The following N4BP2L1 variants were observed in gnomAD, a reference collection of about 807,000 sequenced individuals.
N4BP2L1 encodes NEDD4 binding protein 2 like 1.
N4BP2L1 carries 12 observed loss-of-function variants against 21.2 expected under a neutral mutation model. That is an observed-to-expected ratio of 0.57 (90% CI 0.36 to 0.92). The LOEUF is 0.92. Ranked by LOEUF, N4BP2L1 falls within the 40% of genes least tolerant of loss-of-function variation. The probability of loss-of-function intolerance (pLI) is 0.01; values close to 1 mark genes in which losing one functional copy is unlikely to be tolerated. For missense variants in N4BP2L1, 259 were observed against 310.6 expected (o/e 0.83, Z 1.25); for synonymous variants, 104 against 112.8 (o/e 0.92, Z 0.49).
chr13:32,412,679 G>A (rs542145221), intron 1 of N4BP2L1, among the ~76,000 whole-genome samples: 135 of 150,676 alleles, frequency 9.0e-4, no homozygotes, highest in Admixed American at 2.0e-3. Context: ...CATACATCGC[G>A]ATACTTTATT....
chr13:32,414,001 C>T (rs554475860), intron 1 of N4BP2L1, among the ~76,000 whole-genome samples: 2 of 151,570 alleles, frequency 1.3e-5, no homozygotes, highest in African/African-American at 4.8e-5. Flanking sequence ...CCTGCCTCAG[C>T]CTCCTGAGTA....
chr13:32,401,384 T>G lies in N4BP2L1; in HGVS notation c.*1558A>C, dbSNP rs1378369530. On this transcript the variant is annotated 3_prime_UTR_variant, in exon 5 of 5. Coordinates refer to ENST00000380130, the MANE Select transcript of N4BP2L1 (RefSeq NM_052818.3). ...TAGCAAAGCTGATAACACCTTAGAT[T>G]CATTGGGATTTACTATTGTCAGCCA... is the stretch of plus-strand genomic sequence containing the variant. The G allele has an allele frequency of 1.2e-4, 19 of 152,160 alleles. No individual in the cohort carries two copies. The highest frequency in any genetic ancestry group is 1.2e-3 in the Admixed American group (19 of 15,290). The allele number at this position is 152,160 out of a possible 1,614,324, so 9.4% of individuals were successfully genotyped here.
chr13:32,422,221 C>T (rs2074521366), intron 1 of N4BP2L1, among the ~76,000 whole-genome samples: 1 of 152,000 alleles, frequency 6.6e-6, no homozygotes, highest in Admixed American at 6.6e-5. Flanking sequence ...CTTACCCTGA[C>T]AATTGAAATC....
At chr13:32,405,174 G>C (rs1483345047) in intron 3 of N4BP2L1, among the ~76,000 whole-genome samples, 1 of 152,104 alleles carries the variant, frequency 6.6e-6, no homozygotes, top group Non-Finnish European at 1.5e-5. Flanking sequence ...CGAATTAATA[G>C]CTGAGGATGG....
chr13:32,416,356 G>A (rs1593280272), intron 1 of N4BP2L1: 1 of 152,200 alleles, frequency 6.6e-6, no homozygotes, highest in East Asian at 1.9e-4. Context: ...TAAAACCTAG[G>A]CTTCTGGCCC....
intron 3 of N4BP2L1, among the ~76,000 whole-genome samples, chr13:32,405,737 T>C (rs558654055): frequency 6.6e-6 from 1 of 152,082 alleles, no homozygotes; most frequent in South Asian, 2.1e-4. Flanking sequence ...TGAAGATCAT[T>C]AGAGAAAAGC....
intron 1 of N4BP2L1, among the ~76,000 whole-genome samples, chr13:32,409,132 G>A (rs1354839673): frequency 6.6e-6 from 1 of 152,206 alleles, no homozygotes; most frequent in Non-Finnish European, 1.5e-5. Context: ...ACATCGGAGC[G>A]CGCATGTCAA....
At chr13:32,419,229 C>T (rs1398597600) in intron 1 of N4BP2L1, among the ~76,000 whole-genome samples, 2 of 138,060 alleles carry the variant, frequency 1.4e-5, no homozygotes, top group Admixed American at 1.5e-4. Flanking sequence ...TGAGTTCTCA[C>T]AAGATCTGGC....
intron 1 of N4BP2L1, among the ~76,000 whole-genome samples, chr13:32,413,330 G>A (rs759389066): frequency 6.6e-6 from 1 of 152,150 alleles, no homozygotes; most frequent in South Asian, 2.1e-4. Flanking sequence ...TCTGGTTAAC[G>A]TCTTTGAATC....
At position 32,402,646 on chromosome 13, in the gene N4BP2L1, C is replaced by T; in HGVS notation, c.*296G>A. Reference sequence around the variant, plus strand: ...ATATAATATAAACACTTTATTTCATCTATGAACCTATGTAAATATATTCTT... The same window carrying T: ...ATATAATATAAACACTTTATTTCATTTATGAACCTATGTAAATATATTCTT... On this transcript the variant is annotated 3_prime_UTR_variant, in exon 5 of 5. Coordinates refer to ENST00000380130, the MANE Select transcript of N4BP2L1 (RefSeq NM_052818.3). The T allele has an allele frequency of 1.8e-6, 2 of 1,130,200 alleles. No individual in the cohort carries two copies. Among genetic ancestry groups the T allele is most frequent in the Non-Finnish European group, 2.2e-6 (2 of 921,188 alleles). 70.0% of individuals were successfully genotyped at this position (1,130,200 alleles called of 1,614,324 possible).
At chr13:32,413,212 C>A (rs1299594834) in intron 1 of N4BP2L1, among the ~76,000 whole-genome samples, 1 of 152,208 alleles carries the variant, frequency 6.6e-6, no homozygotes, top group Non-Finnish European at 1.5e-5. Context: ...AGGCATGAGC[C>A]ACCTCTCCTG....
chr13:32,427,820 G>T, intron 1 of N4BP2L1, 84 bp downstream of exon 1: 1 of 947,110 alleles, frequency 1.1e-6, no homozygotes, highest in South Asian at 5.3e-5. Context: ...CGGCGCCCGG[G>T]AGCGGCTTGG....
intron 4 of N4BP2L1, chr13:32,403,905 A>G (rs2073309632): frequency 4.0e-6 from 2 of 497,340 alleles, no homozygotes; most frequent in East Asian, 4.0e-5. Context: ...TATTATTTGA[A>G]CATTTATTGC....
chr13:32,412,065 C>T (rs956498967), intron 1 of N4BP2L1, among the ~76,000 whole-genome samples: 2 of 151,974 alleles, frequency 1.3e-5, no homozygotes, highest in Non-Finnish European at 2.9e-5. Context: ...AGTTGGTGTG[C>T]GTGCAACAGG....
intron 1 of N4BP2L1, among the ~76,000 whole-genome samples, chr13:32,418,536 G>A (rs1476806332): frequency 6.6e-6 from 1 of 152,204 alleles, no homozygotes; most frequent in Non-Finnish European, 1.5e-5. Flanking sequence ...CTCCACTGGG[G>A]CACTGCCTAG....
intron 1 of N4BP2L1, chr13:32,411,851 A>G: frequency 1.1e-6 from 1 of 895,270 alleles, no homozygotes; most frequent in Non-Finnish European, 1.3e-6. Flanking sequence ...CAGACATTGC[A>G]TGTAATTTTA....
upstream of N4BP2L1, chr13:32,428,249 G>A (rs563101046): frequency 1.6e-5 from 9 of 565,010 alleles, no homozygotes; most frequent in East Asian, 3.1e-4. Flanking sequence ...CGTGGGAGGG[G>A]GCGTCCCTAC....
At chr13:32,428,180 G>T, upstream of N4BP2L1, 1 of 1,248,480 alleles carries the variant, frequency 8.0e-7, no homozygotes, top group Non-Finnish European at 1.0e-6. Context: ...CCATGTGATG[G>T]ATAGAGGGGC....
At chr13:32,408,400 G>T (rs2073654285) in intron 1 of N4BP2L1, among the ~76,000 whole-genome samples, 1 of 152,194 alleles carries the variant, frequency 6.6e-6, no homozygotes, top group South Asian at 2.1e-4. Context: ...AAGCGACAGA[G>T]CCACTGTCCC....
Sources: gnomAD v4.1 joint callset for allele counts (sites outside exome capture counted in the v4.1 genomes callset) on GRCh38, gnomAD v4.1.1 for gene constraint, MANE v1.5 for transcripts, NCBI Gene and HGNC (gene_info 2026-07-23, HGNC 2026-07-21) for gene names.